Variants in RBM41 observed in about 807,000 individuals in gnomAD.
RBM41 encodes the protein RNA-binding protein 41.
A neutral mutation model predicts 30.8 loss-of-function variants in RBM41; 14 were observed. The observed-to-expected ratio is 0.45, with a 90% CI of 0.30 to 0.71. The LOEUF (loss-of-function observed/expected upper bound fraction) is 0.71, where lower values mean the gene tolerates loss of function less well. RBM41 is among the 30% of genes least tolerant of loss of function. The pLI is 0.08. For synonymous variants in RBM41, 120 were observed against 110.1 expected (o/e 1.09, Z -0.56); for missense variants, 276 against 326.3 (o/e 0.85, Z 1.19).
At chrX:107,057,043 T>C (rs147514500), downstream of RBM41, among the ~76,000 whole-genome samples, 1 of 109,976 alleles carries the variant, frequency 9.1e-6, no homozygotes, top group African/African-American at 3.3e-5. Context: ...AATTTTTAAA[T>C]TTTTTTGTAG....
chrX:107,056,006 A>C, the RBM41 span, among the ~76,000 whole-genome samples: 2 of 112,483 alleles, frequency 1.8e-5, no homozygotes, highest in Non-Finnish European at 3.8e-5. Flanking sequence ...GTGGAAGACC[A>C]CTGAGTATCA....
At chrX:107,108,223 T>C (rs1465518956) in intron 5 of RBM41, among the ~76,000 whole-genome samples, 1 of 111,603 alleles carries the variant, frequency 9.0e-6, no homozygotes, top group Non-Finnish European at 1.9e-5. Flanking sequence ...GGTATAATAC[T>C]GTACTATCTC....
At chrX:107,118,399 A>G (rs1408373554) in intron 1 of RBM41, among the ~76,000 whole-genome samples, 4 of 111,338 alleles carry the variant, frequency 3.6e-5, no homozygotes, top group African/African-American at 1.3e-4. Context: ...GAGGTAGGGG[A>G]GAACGGCGAG....
intron 6 of RBM41, among the ~76,000 whole-genome samples, chrX:107,075,909 T>C (rs1170146585): frequency 8.9e-6 from 1 of 111,960 alleles, no homozygotes; most frequent in Non-Finnish European, 1.9e-5. Context: ...GAAATCAGCA[T>C]CTCAAAGAGA....
rs778218328 is a variant in RBM41, at chrX:107,088,760, A to G, written c.675T>C (p.Arg225=). The change falls in exon 6 of 8, where the codon CGT becomes CGC. Residue 225 remains arginine, a synonymous_variant. Coordinates refer to ENST00000685964, the MANE Select transcript of RBM41 (RefSeq NM_001324242.2). ...CTCTCATAAGTTGAAACTCTTCAAG[A>G]CGTTTTTTCATTATCATCTCTTGGT... ...SFYQEMIMKK[R]LEEFQLMRGE... is the part of the protein sequence containing the mutation. 8.3e-7 allele frequency: 1 copy of G among 1,211,350 alleles called. No individual in the cohort carries two copies. Among genetic ancestry groups the G allele is most frequent in the Non-Finnish European group, 1.1e-6 (1 of 895,449 alleles).
At chrX:107,101,951 T>C (rs975307324) in intron 5 of RBM41, among the ~76,000 whole-genome samples, 6 of 111,407 alleles carry the variant, frequency 5.4e-5, no homozygotes, top group African/African-American at 2.0e-4. Flanking sequence ...GAAATACGGA[T>C]GTTAAAGGCA....
At chrX:107,112,579 C>T (rs1924573757) in intron 5 of RBM41, among the ~76,000 whole-genome samples, 1 of 111,536 alleles carries the variant, frequency 9.0e-6, no homozygotes, top group African/African-American at 3.3e-5. Context: ...AAAACCTGTA[C>T]AAGAACGTTC....
the RBM41 span, among the ~76,000 whole-genome samples, chrX:107,055,527 T>C: frequency 8.9e-6 from 1 of 111,916 alleles, no homozygotes; most frequent in Non-Finnish European, 1.9e-5. Context: ...GGTTTCATCG[T>C]GTTACTCAGG....
At chrX:107,085,773 T>C (rs189350712) in intron 6 of RBM41, among the ~76,000 whole-genome samples, 5 of 111,999 alleles carry the variant, frequency 4.5e-5, no homozygotes, top group Admixed American at 9.5e-5. Flanking sequence ...GTGTTGTTTG[T>C]ATTTTTCTTA....
intron 2 of RBM41, 74 bp from the exon 3 acceptor site, chrX:107,116,128 G>C (rs763729551): frequency 4.4e-5 from 45 of 1,013,433 alleles, no homozygotes; most frequent in Non-Finnish European, 5.7e-5. Flanking sequence ...GTTCAGCACT[G>C]TAAGAGGTAC....
At chrX:107,058,312 AAAAAAT>A (rs1278438960), downstream of RBM41, among the ~76,000 whole-genome samples, 2 of 108,683 alleles carry the variant, frequency 1.8e-5, no homozygotes, top group Admixed American at 9.9e-5. Flanking sequence ...AAAAAAAAAA[AAAAAAT>A]GATCTTTGAT....
chrX:107,089,604 T>C (rs1201601071), intron 5 of RBM41, among the ~76,000 whole-genome samples: 1 of 112,307 alleles, frequency 8.9e-6, no homozygotes, highest in Non-Finnish European at 1.9e-5. Context: ...AACTATTACA[T>C]CATTTTAGAA....
chrX:107,077,857 T>C (rs907339492), intron 6 of RBM41, among the ~76,000 whole-genome samples: 2 of 111,535 alleles, frequency 1.8e-5, no homozygotes, highest in Non-Finnish European at 3.8e-5. Context: ...TATAGAAAAA[T>C]TGAGAATACA....
At chrX:107,103,188 G>A (rs1923608696) in intron 5 of RBM41, among the ~76,000 whole-genome samples, 1 of 111,229 alleles carries the variant, frequency 9.0e-6, no homozygotes, top group South Asian at 3.8e-4. Context: ...GTACTAGGTT[G>A]AACAGTATAC....
At chrX:107,058,408 T>G (rs756417876), downstream of RBM41, among the ~76,000 whole-genome samples, 1 of 111,096 alleles carries the variant, frequency 9.0e-6, no homozygotes, top group South Asian at 3.8e-4. Flanking sequence ...ACACCTTACA[T>G]GTATTAATTC....
At chrX:107,108,364 C>T (rs962375451) in intron 5 of RBM41, among the ~76,000 whole-genome samples, 1 of 111,293 alleles carries the variant, frequency 9.0e-6, no homozygotes. Context: ...CACTTCACTC[C>T]GTGACTCCCA....
At chrX:107,069,450 G>T (rs762253068) in intron 6 of RBM41, 48 bp from the exon 7 acceptor site, 8 of 1,127,988 alleles carry the variant, frequency 7.1e-6, no homozygotes, top group African/African-American at 1.9e-5. Flanking sequence ...AGGAGGTAAG[G>T]CACTCTTTGT....
At chrX:107,077,886 C>T (rs1921129402) in intron 6 of RBM41, among the ~76,000 whole-genome samples, 1 of 111,463 alleles carries the variant, frequency 9.0e-6, no homozygotes, top group African/African-American at 3.3e-5. Context: ...CCATCTACCC[C>T]ATGGTTTTCC....
Position 107,110,660 on chromosome X carries a change from G to T in RBM41, c.595+2737C>A, listed in dbSNP as rs1321720883. On this transcript the variant is annotated intron_variant, in intron 5 of 7. Coordinates refer to ENST00000685964, the MANE Select transcript of RBM41 (RefSeq NM_001324242.2). ...CAAAACAATTTTGAAAAAGAACAAA[G>T]TTGGAGTTCTCACACTTCCTGATTT... Among the ~76,000 whole-genome samples the T allele has an allele frequency of 2.7e-5, 3 of 111,247 alleles. No individual in the cohort carries two copies. The South Asian group carries it at 1.1e-3, about 41-fold the overall frequency.
Sources: gnomAD v4.1 joint callset for allele counts (sites outside exome capture counted in the v4.1 genomes callset) on GRCh38, gnomAD v4.1.1 for gene constraint, MANE v1.5 for transcripts, NCBI Gene and HGNC (gene_info 2026-07-23, HGNC 2026-07-21) for gene names.